Variants in CDH23 observed in about 807,000 individuals in gnomAD.
CDH23 encodes the protein cadherin related 23.
CDH23 carries 189 observed loss-of-function variants against 317.1 expected under a neutral mutation model. The observed-to-expected ratio is 0.60, with a 90% CI of 0.53 to 0.67. The LOEUF is 0.67. Among genes scored for constraint, CDH23 ranks in the 30% least tolerant of loss-of-function variants. The pLI is 0.00. For missense variants in CDH23, 4,401 were observed against 4,592.4 expected, an observed-to-expected ratio of 0.96 and a Z score of 1.20; for synonymous variants, 1,839 against 1,876.8, an observed-to-expected ratio of 0.98 and a Z score of 0.52.
At chr10:71,803,146 G>A in intron 54 of CDH23, 63 bp from the exon 55 acceptor site, 1 of 1,604,426 alleles carries the variant, frequency 6.2e-7, no homozygotes, top group Non-Finnish European at 8.5e-7. Flanking sequence ...GCCCAGGCCA[G>A]GAGTAGAGGG....
At chr10:71,439,510 T>A (rs573492385) in intron 1 of CDH23, among the ~76,000 whole-genome samples, 32 of 152,220 alleles carry the variant, frequency 2.1e-4, no homozygotes, top group African/African-American at 7.7e-4. Context: ...GGGCCTAGAA[T>A]ATGTCACTCT....
chr10:71,691,026 A>T (rs142136619), intron 20 of CDH23, among the ~76,000 whole-genome samples: 156 of 152,320 alleles, frequency 1.0e-3, no homozygotes, highest in African/African-American at 3.7e-3. Context: ...TGTGGATTAA[A>T]TGATACATAA....
At chr10:71,777,052 G>A (rs1282124592) in intron 38 of CDH23, among the ~76,000 whole-genome samples, 7 of 152,246 alleles carry the variant, frequency 4.6e-5, no homozygotes, top group Admixed American at 3.9e-4. Context: ...TCACAGGAGA[G>A]TATGTTGTAG....
chr10:71,427,412 T>G (rs1171277675), intron 1 of CDH23, among the ~76,000 whole-genome samples: 1 of 152,164 alleles, frequency 6.6e-6, no homozygotes, highest in African/African-American at 2.4e-5. Context: ...TAATATGTGG[T>G]CCTTGGTGAC....
Position 71,813,318 on chromosome 10 carries a change from AG to A in CDH23, c.9709del (p.Ala3237ProfsTer11). The A allele has an allele frequency of 6.4e-7, 1 of 1,551,534 alleles. No homozygotes were observed. The highest frequency in any genetic ancestry group is 8.7e-7 in the Non-Finnish European group (1 of 1,146,972). ...KLFAQRMVQK[A>X]SSCHSSISEL... is the part of the protein sequence containing the mutation. Reference sequence around the variant, plus strand: ...TCTTTGCACAGCGGATGGTGCAAAAAGCCTCCTCCTGCCACTCCTCCATCTC... The same window carrying A: ...TCTTTGCACAGCGGATGGTGCAAAAACCTCCTCCTGCCACTCCTCCATCTC... On this transcript the variant is annotated frameshift_variant, in exon 69 of 70. Transcript: ENST00000224721. LOFTEE classifies it high-confidence loss of function.
At chr10:71,644,963 G>A (rs1164887728) in intron 12 of CDH23, among the ~76,000 whole-genome samples, 2 of 152,234 alleles carry the variant, frequency 1.3e-5, no homozygotes, top group African/African-American at 2.4e-5. Context: ...TTCTGAGCAG[G>A]CCAGACCTCA....
chr10:71,812,713 C>T, intron 67 of CDH23, 55 bp from the exon 68 acceptor site: 1 of 1,612,588 alleles, frequency 6.2e-7, no homozygotes, highest in South Asian at 1.1e-5. Context: ...GGCCCCCTCC[C>T]TTGTACATGT....
intron 17 of CDH23, among the ~76,000 whole-genome samples, chr10:71,681,468 G>A (rs1480383377): frequency 2.6e-5 from 4 of 152,182 alleles, no homozygotes; most frequent in Admixed American, 2.6e-4. Context: ...CTCAGCCTGG[G>A]TCTGCCTTTG....
chr10:71,786,269 G>A (rs1841101612), intron 44 of CDH23, among the ~76,000 whole-genome samples: 1 of 152,154 alleles, frequency 6.6e-6, no homozygotes, highest in Non-Finnish European at 1.5e-5. Flanking sequence ...TTGGGGGTCA[G>A]CTCTGTCCTT....
At chr10:71,583,556 G>A (rs912777346) in intron 9 of CDH23, among the ~76,000 whole-genome samples, 2 of 152,152 alleles carry the variant, frequency 1.3e-5, no homozygotes, top group Admixed American at 6.5e-5. Flanking sequence ...AGGCCAAGGG[G>A]GCATGGAGGC....
intron 62 of CDH23, 107 bp downstream of exon 62, chr10:71,810,676 GC>G: frequency 3.9e-6 from 4 of 1,027,486 alleles, no homozygotes; most frequent in Middle Eastern, 2.6e-4. Context: ...ACACCATCAG[GC>G]CCACTGTGTG....
In CDH23 at chr10:71,777,749, T is replaced by C; in HGVS notation, c.4915T>C (p.Tyr1639His). 3 of 1,613,784 alleles carry C rather than the reference T, an allele frequency of 1.9e-6. No individual in the cohort carries two copies. Among genetic ancestry groups the C allele is most frequent in the Non-Finnish European group, 1.7e-6 (2 of 1,179,816 alleles). ...CGCGCCCATGTTCCAGCAGCCCCAC[T>C]ATGAGGTGCTGCTGGATGAGGGCCC... ...DNAPMFQQPH[Y>H]EVLLDEGPDT... The change falls in exon 39 of 70, where the codon TAT becomes CAT. Residue 1639 changes from tyrosine (Y) to histidine (H), a missense_variant. Tyr to His is a moderately conservative substitution (Grantham distance 83). Transcript: ENST00000224721.
At chr10:71,438,276 G>A (rs912620728) in intron 1 of CDH23, among the ~76,000 whole-genome samples, 21 of 150,270 alleles carry the variant, frequency 1.4e-4, no homozygotes, top group Non-Finnish European at 4.4e-5. Context: ...TCCAGGAGGT[G>A]GAGGTTGCAG....
At chr10:71,801,471 G>A (rs1345387708) in intron 53 of CDH23, among the ~76,000 whole-genome samples, 1 of 151,794 alleles carries the variant, frequency 6.6e-6, no homozygotes, top group Non-Finnish European at 1.5e-5. Context: ...GTCTCTTAAA[G>A]AATACTAATG....
intron 3 of CDH23, among the ~76,000 whole-genome samples, chr10:71,468,466 T>A (rs566020411): frequency 2.6e-5 from 4 of 152,304 alleles, no homozygotes; most frequent in African/African-American, 7.2e-5. Context: ...TGATGCATGA[T>A]CCTTCCAGCC....
chr10:71,672,711 T>C (rs1482676306), intron 14 of CDH23, among the ~76,000 whole-genome samples: 1 of 152,150 alleles, frequency 6.6e-6, no homozygotes, highest in African/African-American at 2.4e-5. Flanking sequence ...GCTTCTGCTC[T>C]AAGACAGTCC....
At chr10:71,480,316 C>T (rs16928929) in intron 3 of CDH23, among the ~76,000 whole-genome samples, 19,058 of 152,292 alleles carry the variant, frequency 0.13, 1,479 homozygotes, top group East Asian at 0.19. Context: ...CTGGCCCTAT[C>T]GTTTCTGCAG....
At position 71,677,516 on chromosome 10, in the gene CDH23, C is replaced by T. The variant is rs925526545; in HGVS notation, c.1575C>T (p.Leu525=). The change falls in exon 16 of 70, where the codon CTC becomes CTT. Residue 525 remains leucine, a synonymous_variant. Coordinates refer to ENST00000224721, the MANE Select transcript of CDH23 (RefSeq NM_022124.6). The stretch of plus-strand genomic sequence containing the variant: ...TGATTGCCAGGCTGGACTATGAGCT[C>T]ATCCAGCGCTTCACCCTGACGATCA... ...IMLIARLDYE[L]IQRFTLTIIA... 1 of 1,612,270 alleles carries T rather than the reference C, an allele frequency of 6.2e-7. No individual in the cohort carries two copies. The highest frequency in any genetic ancestry group is 1.1e-5 in the South Asian group (1 of 90,334).
intron 1 of CDH23, among the ~76,000 whole-genome samples, chr10:71,423,823 G>A (rs894121125): frequency 1.3e-5 from 2 of 152,208 alleles, no homozygotes; most frequent in African/African-American, 4.8e-5. Context: ...GGTGGTGCTC[G>A]CTGGGCAGGG....
Sources: allele counts gnomAD v4.1 joint callset (sites outside exome capture counted in the v4.1 genomes callset), GRCh38; gene constraint gnomAD v4.1.1; transcripts MANE v1.5; gene names NCBI Gene and HGNC (gene_info 2026-07-23, HGNC 2026-07-21).